The following NHS variants were observed in gnomAD, a reference collection of about 807,000 sequenced individuals.
NHS encodes the protein actin remodeling regulator NHS.
Under a neutral mutation model 72.5 loss-of-function variants are expected in NHS, and 5 were observed. The ratio of observed to expected loss-of-function variants is 0.07; its 90% confidence interval spans 0.04 to 0.14. The LOEUF is 0.14. Ranked by LOEUF, NHS falls within the 10% of genes least tolerant of loss-of-function variation. The pLI, the probability that NHS is intolerant of heterozygous loss-of-function variation, is 1.00. For synonymous variants in NHS, 464 were observed against 547.7 expected (o/e 0.85, Z 2.13); for missense variants, 1,072 against 1,355.7 (o/e 0.79, Z 3.29).
chrX:17,498,855 GT>G (rs1184866097), intron 1 of NHS, among the ~76,000 whole-genome samples: 2 of 111,738 alleles, frequency 1.8e-5, no homozygotes, highest in East Asian at 2.8e-4. Context: ...CTTGAGTGAG[GT>G]TTTTTTAAGC....
intron 1 of NHS, among the ~76,000 whole-genome samples, chrX:17,537,585 G>A (rs1313645478): frequency 8.9e-6 from 1 of 112,410 alleles, no homozygotes; most frequent in East Asian, 2.8e-4. Context: ...AAAAGTATCA[G>A]GTCCCCCCAA....
chrX:17,655,404 C>A (rs1312285837), intron 1 of NHS, among the ~76,000 whole-genome samples: 2 of 112,410 alleles, frequency 1.8e-5, no homozygotes, highest in African/African-American at 6.5e-5. Flanking sequence ...ACAAGAAATC[C>A]GGATCCGGGA....
At chrX:17,413,615 T>G (rs991929464) in intron 1 of NHS, among the ~76,000 whole-genome samples, 2 of 112,457 alleles carry the variant, frequency 1.8e-5, no homozygotes, top group Non-Finnish European at 3.8e-5. Context: ...AGAATCATGC[T>G]TTTCCAAAGG....
intron 1 of NHS, among the ~76,000 whole-genome samples, chrX:17,561,574 G>GCGCACACACACACACA (rs879101977): frequency 8.4e-4 from 55 of 65,401 alleles, no homozygotes; most frequent in East Asian, 5.3e-3. Context: ...GCGCGCGCGC[G>GCGCACACACACACACA]CACACACACA....
chrX:17,598,704 T>C (rs1395511253), intron 1 of NHS, among the ~76,000 whole-genome samples: 1 of 111,991 alleles, frequency 8.9e-6, no homozygotes, highest in Admixed American at 9.4e-5. Context: ...CTATATTCAC[T>C]GTATTGACCC....
intron 1 of NHS, among the ~76,000 whole-genome samples, chrX:17,430,644 C>T (rs1457624528): frequency 9.0e-6 from 1 of 110,971 alleles, no homozygotes; most frequent in Admixed American, 9.6e-5. Flanking sequence ...CTCCTCCCCG[C>T]AGCCTCTGAC....
At position 17,626,318 on chromosome X, in the gene NHS, CAAAG is replaced by C. The variant is rs753097227; in HGVS notation, c.566-61422_566-61419del. Among the ~76,000 whole-genome samples, 227 of 112,124 alleles carry C rather than the reference CAAAG, an allele frequency of 2.0e-3. 1 individual carries two copies. Among genetic ancestry groups the C allele is most frequent in the African/African-American group, 6.1e-3 (188 of 30,884 alleles). ...TTCATAGGCAAGTTAAGATATTTGA[CAAAG>C]AGAGAGGTAGGGGTGGGAGAATCAC... On this transcript the variant is annotated intron_variant, in intron 1 of 8. Transcript: ENST00000676302.
intron 1 of NHS, among the ~76,000 whole-genome samples, chrX:17,550,125 G>C (rs1002908964): frequency 8.9e-6 from 1 of 111,874 alleles, no homozygotes; most frequent in East Asian, 2.8e-4. Flanking sequence ...TCACCATCTT[G>C]CTTATACATA....
At chrX:17,567,537 G>A (rs964759355) in intron 1 of NHS, among the ~76,000 whole-genome samples, 1 of 111,422 alleles carries the variant, frequency 9.0e-6, no homozygotes, top group African/African-American at 3.3e-5. Context: ...AACAAGCAAA[G>A]TCGACCCCTG....
chrX:17,579,893 C>T (rs1418259636), intron 1 of NHS, among the ~76,000 whole-genome samples: 1 of 110,782 alleles, frequency 9.0e-6, no homozygotes, highest in Non-Finnish European at 1.9e-5. Context: ...GGGAGAATAC[C>T]CTAGATTCCT....
At chrX:17,485,789 T>C (rs2064965091) in intron 1 of NHS, among the ~76,000 whole-genome samples, 2 of 111,737 alleles carry the variant, frequency 1.8e-5, no homozygotes, top group Non-Finnish European at 3.8e-5. Flanking sequence ...CTGGGTTGTA[T>C]TGAGCAAAAA....
chrX:17,445,837 TA>T (rs775287353), intron 1 of NHS, among the ~76,000 whole-genome samples: 1,163 of 86,591 alleles, frequency 0.013, 18 homozygotes, highest in African/African-American at 0.038. Context: ...TGACAACATT[TA>T]AAAAAAAAAA....
intron 1 of NHS, among the ~76,000 whole-genome samples, chrX:17,571,074 G>A (rs2065475543): frequency 8.9e-6 from 1 of 112,097 alleles, no homozygotes; most frequent in South Asian, 3.7e-4. Context: ...TGGTTTGCCA[G>A]TATTTTATTG....
intron 1 of NHS, among the ~76,000 whole-genome samples, chrX:17,557,782 C>T (rs962408241): frequency 2.7e-5 from 3 of 111,698 alleles, no homozygotes; most frequent in Non-Finnish European, 5.6e-5. Flanking sequence ...TCGAAGTTTA[C>T]ACACATGGTT....
chrX:17,553,628 G>GA (rs1336606681), intron 1 of NHS, among the ~76,000 whole-genome samples: 1 of 110,757 alleles, frequency 9.0e-6, no homozygotes, highest in African/African-American at 3.3e-5. Flanking sequence ...ATTTATTAGT[G>GA]AAAAAAAACC....
intron 1 of NHS, among the ~76,000 whole-genome samples, chrX:17,610,499 T>C (rs5955623): frequency 0.04 from 4,446 of 112,000 alleles, 216 homozygotes; most frequent in African/African-American, 0.13. Flanking sequence ...TCATTTGGGG[T>C]AGATTTTGGT....
intron 1 of NHS, among the ~76,000 whole-genome samples, chrX:17,658,283 AT>A (rs1007968961): frequency 8.9e-6 from 1 of 111,867 alleles, no homozygotes; most frequent in East Asian, 2.8e-4. Flanking sequence ...TAGGATTTTT[AT>A]TTTTTTTGGC....
chrX:17,428,147 C>G (rs1019063344), intron 1 of NHS, among the ~76,000 whole-genome samples: 2 of 112,441 alleles, frequency 1.8e-5, no homozygotes, highest in African/African-American at 6.5e-5. Flanking sequence ...GGTACGTGAC[C>G]TAACTGCAAA....
chrX:17,489,065 G>C (rs2064979146), intron 1 of NHS, among the ~76,000 whole-genome samples: 1 of 111,635 alleles, frequency 9.0e-6, no homozygotes, highest in South Asian at 3.8e-4. Context: ...TCCTGTGTTA[G>C]TTTGCTGAGA....
Sources: gnomAD v4.1 joint callset for allele counts (sites outside exome capture counted in the v4.1 genomes callset) on GRCh38, gnomAD v4.1.1 for gene constraint, MANE v1.5 for transcripts, NCBI Gene and HGNC (gene_info 2026-07-23, HGNC 2026-07-21) for gene names.